Variants in CALN1 observed in about 807,000 individuals in gnomAD.
CALN1 encodes calneuron 1.
CALN1 carries 17 observed loss-of-function variants against 30.6 expected under a neutral mutation model. The ratio of observed to expected loss-of-function variants is 0.56; its 90% CI spans 0.38 to 0.83. CALN1 has a LOEUF of 0.83. Among genes scored for constraint, CALN1 ranks in the 40% least tolerant of loss-of-function variants. The pLI is 0.00. For missense variants in CALN1, 291 were observed against 354.9 expected, an observed-to-expected ratio of 0.82 and a Z score of 1.45; for synonymous variants, 156 against 131.4, an observed-to-expected ratio of 1.19 and a Z score of -1.28.
chr7:72,262,568 A>G (rs995907338), intron 3 of CALN1, among the ~76,000 whole-genome samples: 4 of 152,068 alleles, frequency 2.6e-5, no homozygotes, highest in African/African-American at 9.6e-5. Flanking sequence ...CGTGTACCCA[A>G]TGTTTATGTC....
chr7:71,915,691 T>C (rs34963824), intron 5 of CALN1, among the ~76,000 whole-genome samples: 13,076 of 152,022 alleles, frequency 0.086, 968 homozygotes, highest in East Asian at 0.42. Flanking sequence ...CCAAGATCGC[T>C]GCATTGCACT....
intron 2 of CALN1, among the ~76,000 whole-genome samples, chr7:72,388,344 G>A (rs1562939880): frequency 6.6e-6 from 1 of 151,926 alleles, no homozygotes; most frequent in Admixed American, 6.6e-5. Flanking sequence ...ATGGTCTCAG[G>A]AGTCTTGGAG....
intron 3 of CALN1, among the ~76,000 whole-genome samples, chr7:72,119,701 TGGC>T: frequency 6.6e-6 from 1 of 152,252 alleles, no homozygotes; most frequent in Admixed American, 6.5e-5. Flanking sequence ...TCTTGCATGG[TGGC>T]GGCAGGCAAG....
rs923420431 is a variant in CALN1 at position 71,841,344 on chromosome 7, C to G, written c.502-30852G>C. The stretch of plus-strand genomic sequence containing the variant: ...CTCTGTTCATGTGGCAGGAAGGAGC[C>G]TGCATGACTGATGGTTCCATCCGTT... On this transcript the variant is annotated intron_variant, in intron 5 of 6. Coordinates refer to ENST00000395275, the MANE Select transcript of CALN1 (RefSeq NM_031468.4). Among the ~76,000 whole-genome samples the G allele has an allele frequency of 2.0e-5, 3 of 152,168 alleles. No individual in the cohort carries two copies. In the East Asian group the frequency reaches 5.8e-4, roughly 29 times the overall value.
chr7:72,262,728 C>T (rs949374436), intron 3 of CALN1, among the ~76,000 whole-genome samples: 13 of 152,118 alleles, frequency 8.5e-5, no homozygotes, highest in Non-Finnish European at 1.8e-4. Context: ...ATATGTACTA[C>T]GTTTTCTTTA....
intron 4 of CALN1, among the ~76,000 whole-genome samples, chr7:72,072,067 T>C (rs1391451163): frequency 3.9e-5 from 6 of 152,144 alleles, no homozygotes; most frequent in African/African-American, 1.4e-4. Flanking sequence ...ATATACATTA[T>C]GGAAACCTGA....
At chr7:72,029,173 C>T (rs1801279623) in intron 4 of CALN1, among the ~76,000 whole-genome samples, 1 of 151,820 alleles carries the variant, frequency 6.6e-6, no homozygotes, top group South Asian at 2.1e-4. Context: ...GTTGCCCAGG[C>T]TGGAGTGCAG....
intron 5 of CALN1, among the ~76,000 whole-genome samples, chr7:71,896,851 CCAAA>C (rs1793558728): frequency 6.6e-6 from 1 of 152,146 alleles, no homozygotes; most frequent in Admixed American, 6.5e-5. Flanking sequence ...CATTCTGCTC[CCAAA>C]CAGAGGAGAA....
intron 5 of CALN1, among the ~76,000 whole-genome samples, chr7:71,890,728 T>G (rs1412536458): frequency 6.7e-6 from 1 of 149,168 alleles, no homozygotes; most frequent in Non-Finnish European, 1.5e-5. Flanking sequence ...AGGTCAAATG[T>G]GCAATTTTGT....
intron 2 of CALN1, among the ~76,000 whole-genome samples, chr7:72,330,361 G>A (rs535173595): frequency 2.8e-4 from 43 of 151,366 alleles, no homozygotes; most frequent in African/African-American, 8.3e-4. Flanking sequence ...CCAGCTTCCC[G>A]GAAGGCTGAG....
At chr7:72,054,000 C>T (rs900426409) in intron 4 of CALN1, among the ~76,000 whole-genome samples, 6 of 152,014 alleles carry the variant, frequency 3.9e-5, no homozygotes, top group African/African-American at 9.7e-5. Context: ...AGTATTCCAT[C>T]GTATATATAG....
the CALN1 span, among the ~76,000 whole-genome samples, chr7:72,487,955 A>AAAAG: frequency 1.8e-5 from 1 of 54,390 alleles, no homozygotes; most frequent in African/African-American, 9.3e-5. Flanking sequence ...GGAAGGAAGG[A>AAAAG]AAGGAAGGAA....
At chr7:71,992,238 A>C (rs963345265) in intron 5 of CALN1, among the ~76,000 whole-genome samples, 1 of 152,242 alleles carries the variant, frequency 6.6e-6, no homozygotes, top group Non-Finnish European at 1.5e-5. Flanking sequence ...ATAGAAAAGA[A>C]AATAAACTGT....
intron 2 of CALN1, among the ~76,000 whole-genome samples, chr7:72,280,168 CA>C (rs1240626508): frequency 6.6e-6 from 1 of 152,204 alleles, no homozygotes. Context: ...TATCTTCCTA[CA>C]AAGTAGGCTA....
intron 2 of CALN1, among the ~76,000 whole-genome samples, chr7:72,393,758 T>TC (rs1562943886): frequency 1.3e-5 from 2 of 150,958 alleles, no homozygotes; most frequent in African/African-American, 4.9e-5. Flanking sequence ...TTTTTTTTTT[T>TC]TTCTATTTTG....
chr7:72,314,366 C>CACAT (rs1554365654), intron 2 of CALN1, among the ~76,000 whole-genome samples: 7 of 81,804 alleles, frequency 8.6e-5, no homozygotes, highest in East Asian at 2.0e-4. Flanking sequence ...TATACATATA[C>CACAT]ATATATACAC....
chr7:72,073,449 T>C (rs1804533875), intron 4 of CALN1, among the ~76,000 whole-genome samples: 1 of 152,176 alleles, frequency 6.6e-6, no homozygotes, highest in Admixed American at 6.5e-5. Context: ...ACAAAAACAG[T>C]TGTAGTGCCT....
chr7:72,427,755 A>G (rs151040738), intron 1 of CALN1, among the ~76,000 whole-genome samples: 114 of 152,158 alleles, frequency 7.5e-4, no homozygotes, highest in African/African-American at 2.6e-3. Flanking sequence ...TGCTGGGGTT[A>G]CAGGTAGGAG....
intron 2 of CALN1, among the ~76,000 whole-genome samples, chr7:72,354,349 A>G (rs1476901852): frequency 6.6e-6 from 1 of 152,226 alleles, no homozygotes; most frequent in East Asian, 1.9e-4. Flanking sequence ...AATGGATTAG[A>G]GGTTTGATAA....
Sources: gnomAD v4.1 joint callset for allele counts (sites outside exome capture counted in the v4.1 genomes callset) on GRCh38, gnomAD v4.1.1 for gene constraint, MANE v1.5 for transcripts, NCBI Gene and HGNC (gene_info 2026-07-23, HGNC 2026-07-21) for gene names.